KSR2: variants seen among roughly 807,000 people sequenced by gnomAD.
KSR2 encodes kinase suppressor of ras 2.
Under a neutral mutation model 107.8 loss-of-function variants are expected in KSR2, and 25 were observed. The ratio of observed to expected loss-of-function variants is 0.23; its 90% CI spans 0.17 to 0.32. The LOEUF (loss-of-function observed/expected upper bound fraction) is 0.32, where lower values mean the gene tolerates loss of function less well. KSR2 is among the 10% of genes least tolerant of loss of function. The pLI, the probability that KSR2 is intolerant of heterozygous loss-of-function variation, is 1.00. For missense variants in KSR2, 887 were observed against 1,268.9 expected (o/e 0.70, Z 4.57); for synonymous variants, 480 against 507.0 (o/e 0.95, Z 0.71).
At chr12:117,871,974 G>A (rs573776604) in intron 1 of KSR2, among the ~76,000 whole-genome samples, 1 of 152,200 alleles carries the variant, frequency 6.6e-6, no homozygotes, top group African/African-American at 2.4e-5. Context: ...CTATAAGCCT[G>A]AATTACCTAT....
At chr12:117,492,832 CCA>C in intron 14 of KSR2, among the ~76,000 whole-genome samples, 1 of 151,978 alleles carries the variant, frequency 6.6e-6, no homozygotes, top group Non-Finnish European at 1.5e-5. Flanking sequence ...AGGACTCAAC[CCA>C]CCATCGCTGA....
chr12:117,736,422 A>C (rs1279765360), intron 4 of KSR2, among the ~76,000 whole-genome samples: 3 of 152,164 alleles, frequency 2.0e-5, no homozygotes, highest in African/African-American at 7.2e-5. Flanking sequence ...CCTGGCCCAT[A>C]ATAAGGACCG....
chr12:117,860,238 G>T, intron 2 of KSR2, 53 bp downstream of exon 2: 2 of 1,571,520 alleles, frequency 1.3e-6, no homozygotes, highest in South Asian at 1.1e-5. Flanking sequence ...AGCAACACAG[G>T]GGGTAGCTGC....
chr12:117,511,437 T>A (rs560095324), intron 14 of KSR2, among the ~76,000 whole-genome samples: 1 of 152,224 alleles, frequency 6.6e-6, no homozygotes, highest in African/African-American at 2.4e-5. Flanking sequence ...AAAGATTTTA[T>A]GCATTCTTTA....
chr12:117,759,155 C>T (rs1337263435), intron 4 of KSR2, among the ~76,000 whole-genome samples: 2 of 152,214 alleles, frequency 1.3e-5, no homozygotes, highest in Non-Finnish European at 1.5e-5. Flanking sequence ...ACATGTTCCA[C>T]GTCAATCACT....
At chr12:117,618,370 C>G (rs1881993658) in intron 5 of KSR2, among the ~76,000 whole-genome samples, 1 of 152,042 alleles carries the variant, frequency 6.6e-6, no homozygotes, top group Non-Finnish European at 1.5e-5. Flanking sequence ...CCCTCAGCAA[C>G]ATGACATGCA....
chr12:117,967,547 A>C (rs1342398440), intron 1 of KSR2, among the ~76,000 whole-genome samples: 1 of 152,146 alleles, frequency 6.6e-6, no homozygotes, highest in East Asian at 1.9e-4. Flanking sequence ...AAAAAATCTA[A>C]GGAGCAAAAG....
intron 5 of KSR2, among the ~76,000 whole-genome samples, chr12:117,665,822 C>T (rs1884635122): frequency 6.6e-6 from 1 of 152,180 alleles, no homozygotes; most frequent in African/African-American, 2.4e-5. Flanking sequence ...CTTGAGGTCA[C>T]ACATAATTGC....
chr12:117,751,142 G>A (rs1436539872), intron 4 of KSR2, among the ~76,000 whole-genome samples: 1 of 152,142 alleles, frequency 6.6e-6, no homozygotes, highest in African/African-American at 2.4e-5. Context: ...GTTCTCTTGA[G>A]AGCAGATGGT....
chr12:117,595,108 G>A (rs773911753), intron 5 of KSR2, among the ~76,000 whole-genome samples: 3 of 152,212 alleles, frequency 2.0e-5, no homozygotes. Flanking sequence ...CCAGGGGACA[G>A]AGCTCTATGG....
At chr12:117,942,964 C>T (rs1896056352) in intron 1 of KSR2, among the ~76,000 whole-genome samples, 1 of 152,114 alleles carries the variant, frequency 6.6e-6, no homozygotes, top group East Asian at 1.9e-4. Context: ...GTTATATAGC[C>T]ATTAGAAATG....
intron 4 of KSR2, among the ~76,000 whole-genome samples, chr12:117,716,357 T>C (rs1478860556): frequency 6.6e-6 from 1 of 152,138 alleles, no homozygotes; most frequent in Non-Finnish European, 1.5e-5. Flanking sequence ...TGCCACCCAA[T>C]ATGGCATCCA....
chr12:117,672,798 T>A (rs1884965094), intron 4 of KSR2, among the ~76,000 whole-genome samples: 1 of 152,178 alleles, frequency 6.6e-6, no homozygotes, highest in Non-Finnish European at 1.5e-5. Context: ...CTAATTTTTG[T>A]GTTTTTAATA....
intron 5 of KSR2, among the ~76,000 whole-genome samples, chr12:117,587,800 G>A (rs1219022302): frequency 1.3e-5 from 2 of 152,194 alleles, no homozygotes; most frequent in African/African-American, 2.4e-5. Flanking sequence ...GGCAATGGGA[G>A]CCCCGATGTG....
At chr12:117,689,180 G>A (rs1039632267) in intron 4 of KSR2, among the ~76,000 whole-genome samples, 5 of 151,928 alleles carry the variant, frequency 3.3e-5, no homozygotes, top group Admixed American at 6.6e-5. Flanking sequence ...GTAGAAATAC[G>A]ATCATACTAT....
At chr12:117,565,059 G>A (rs538425996) in intron 7 of KSR2, among the ~76,000 whole-genome samples, 1 of 152,300 alleles carries the variant, frequency 6.6e-6, no homozygotes, top group East Asian at 1.9e-4. Context: ...TCTTTCACAA[G>A]CAGCTCTGCT....
intron 5 of KSR2, among the ~76,000 whole-genome samples, chr12:117,650,124 G>T (rs529534512): frequency 6.6e-6 from 1 of 152,196 alleles, no homozygotes; most frequent in African/African-American, 2.4e-5. Flanking sequence ...TCAGTGGGCT[G>T]GGGAAAGCAG....
At chr12:117,608,066 G>T (rs1881394466) in intron 5 of KSR2, among the ~76,000 whole-genome samples, 1 of 152,232 alleles carries the variant, frequency 6.6e-6, no homozygotes, top group African/African-American at 2.4e-5. Flanking sequence ...CCAAACTGTG[G>T]AGAGAAGGCA....
At chr12:117,608,544 CATCGGCACCTGAGGCACAG>C (rs1172418541) in intron 5 of KSR2, among the ~76,000 whole-genome samples, 1 of 152,168 alleles carries the variant, frequency 6.6e-6, no homozygotes, top group Non-Finnish European at 1.5e-5. Flanking sequence ...TGGCCTCTCT[CATCGGCACCTGAGGCACAG>C]TGCCTGGGGC....
Sources: gnomAD v4.1 joint callset for allele counts (sites outside exome capture counted in the v4.1 genomes callset) on GRCh38, gnomAD v4.1.1 for gene constraint, MANE v1.5 for transcripts, NCBI Gene and HGNC (gene_info 2026-07-23, HGNC 2026-07-21) for gene names.